DNAH17: variants seen among roughly 807,000 people sequenced by gnomAD.
DNAH17 encodes dynein axonemal heavy chain 17.
A neutral mutation model predicts 485.6 loss-of-function variants in DNAH17; 376 were observed. That is an observed-to-expected ratio of 0.77 (90% CI 0.71 to 0.84). DNAH17 has a LOEUF of 0.84. Ranked by LOEUF, DNAH17 falls within the 40% of genes least tolerant of loss-of-function variation. The pLI is 0.00. For synonymous variants in DNAH17, 3,031 were observed against 2,405.9 expected, an observed-to-expected ratio of 1.26 and a Z score of -7.60; for missense variants, 6,370 against 5,839.3, an observed-to-expected ratio of 1.09 and a Z score of -2.96.
intron 25 of DNAH17, among the ~76,000 whole-genome samples, chr17:78,521,344 T>G (rs1237177006): frequency 6.6e-6 from 1 of 151,984 alleles, no homozygotes; most frequent in Admixed American, 6.6e-5. Context: ...AGGTGGAGGT[T>G]GCAGTGAGCC....
rs775832799 is a variant in DNAH17, at chr17:78,574,757, T to C, written c.301A>G (p.Ile101Val). 6.2e-7 allele frequency: 1 copy of C among 1,613,522 alleles called. No individual in the cohort carries two copies. The highest frequency in any genetic ancestry group is 1.3e-5 in the African/African-American group (1 of 74,930). ...AGCTGGTCCACGGGTGTGGGGCTGA[T>C]GTCGCCGTAAAGGAGCCGGGCCCTG... is the stretch of plus-strand genomic sequence containing the variant. ...NYRARLLYGD[I>V]SPTPVDQLIA... The change falls in exon 2 of 81, where the codon ATC becomes GTC. Residue 101 changes from isoleucine to valine, a missense_variant. Coordinates refer to ENST00000389840, the MANE Select transcript of DNAH17 (RefSeq NM_173628.4).
chr17:78,550,681 G>A (rs781657634), intron 16 of DNAH17, among the ~76,000 whole-genome samples: 1 of 152,200 alleles, frequency 6.6e-6, no homozygotes, highest in Non-Finnish European at 1.5e-5. Context: ...ACTGTGAGAA[G>A]AGAAACGTCT....
In DNAH17 at chr17:78,530,371, G is replaced by A. The variant is rs374429842; in HGVS notation, c.3256C>T (p.Arg1086Trp). Residue 1086 changes from arginine to tryptophan, a missense_variant, in exon 21 of 81, where the codon CGG (arginine) becomes TGG (tryptophan). Transcript: ENST00000389840. Reference protein sequence around the residue: ...TIRRWGFMFKRHLSNHVTNSL... With the variant: ...TIRRWGFMFKWHLSNHVTNSL... Reference sequence around the variant, plus strand: ...TTGGTGACGTGGTTGCTCAGGTGCCGCTTGAACATGAAGCCCCAGCGCCGG... The same window carrying A: ...TTGGTGACGTGGTTGCTCAGGTGCCACTTGAACATGAAGCCCCAGCGCCGG... The A allele has an allele frequency of 5.0e-6, 8 of 1,611,762 alleles. No individual in the cohort carries two copies. The highest frequency in any genetic ancestry group is 2.7e-5 in the African/African-American group (2 of 74,896).
Position 78,445,584 on chromosome 17 carries a change from G to T in DNAH17, c.11308C>A (p.Gln3770Lys). The change falls in exon 70 of 81, where the codon CAG (glutamine) becomes AAG (lysine). Residue 3770 changes from glutamine to lysine, a missense_variant. By Grantham distance (53) the Gln-to-Lys change is moderately conservative (BLOSUM62 1). Coordinates refer to ENST00000389840, the MANE Select transcript of DNAH17 (RefSeq NM_173628.4). ...AGVVSPVDFL[Q>K]HQGWGGIKAL... Reference sequence around the variant, plus strand: ...TTGATCCCGCCCCAGCCTTGATGCTGGAGGAAGTCCACTGGTGAGACCACT... The same window carrying T: ...TTGATCCCGCCCCAGCCTTGATGCTTGAGGAAGTCCACTGGTGAGACCACT... The T allele has an allele frequency of 6.4e-7, 1 of 1,563,294 alleles. No individual in the cohort carries two copies. The highest frequency in any genetic ancestry group is 1.2e-5 in the South Asian group (1 of 84,870).
At chr17:78,552,584 G>T in intron 15 of DNAH17, 113 bp downstream of exon 15, 1 of 626,962 alleles carries the variant, frequency 1.6e-6, no homozygotes, top group Non-Finnish European at 2.9e-6. Context: ...AGTTAAAGCA[G>T]ATCCACACAG....
At chr17:78,507,426 G>A in intron 28 of DNAH17, 32 bp downstream of exon 28, 1 of 1,613,584 alleles carries the variant, frequency 6.2e-7, no homozygotes, top group Non-Finnish European at 8.5e-7. Flanking sequence ...AGTCATTTCT[G>A]AAGTGCGTGG....
At chr17:78,557,976 T>C in intron 14 of DNAH17, 132 bp downstream of exon 14, 1 of 1,148,082 alleles carries the variant, frequency 8.7e-7, no homozygotes, top group East Asian at 2.6e-5. Context: ...ATGCAGTGAA[T>C]GGAAGAATGA....
intron 65 of DNAH17, among the ~76,000 whole-genome samples, chr17:78,452,161 G>A (rs2087581873): frequency 6.6e-6 from 1 of 151,682 alleles, no homozygotes; most frequent in African/African-American, 2.4e-5. Context: ...ACTCACACCA[G>A]GCCCCTCCCA....
intron 30 of DNAH17, among the ~76,000 whole-genome samples, chr17:78,506,049 A>C (rs1261699234): frequency 2.6e-5 from 4 of 151,738 alleles, no homozygotes; most frequent in Non-Finnish European, 4.4e-5. Flanking sequence ...CAAGCCACAC[A>C]CTCAGTCTAT....
chr17:78,522,394 A>G, intron 25 of DNAH17: 1 of 285,676 alleles, frequency 3.5e-6, no homozygotes, highest in Non-Finnish European at 7.1e-6. Context: ...GGGACTTTTT[A>G]ATATGTGAGT....
chr17:78,429,079 G>A, intron 76 of DNAH17, 42 bp downstream of exon 76: 1 of 1,593,430 alleles, frequency 6.3e-7, no homozygotes, highest in South Asian at 1.1e-5. Context: ...GGAGGCACGA[G>A]CCTTCATTAC....
Position 78,445,748 on chromosome 17 carries a change from G to A in DNAH17, c.11212-68C>T, listed in dbSNP as rs60460416. The A allele has an allele frequency of 6.5e-5, 99 of 1,526,932 alleles. No homozygotes were observed. The South Asian group carries it at 1.1e-3, about 18-fold the overall frequency. The allele number at this position is 1,526,932 out of a possible 1,614,324, so 94.6% of individuals were successfully genotyped here. ...AACGTCAGCAGCCCTGAAGATGCGC[G>A]CTGGACTCGAAGAGGAGTTCACACT... is the stretch of plus-strand genomic sequence containing the variant. On this transcript the variant is annotated intron_variant, in intron 69 of 80. Transcript: ENST00000389840.
In DNAH17 at chr17:78,426,500, A is replaced by T; in HGVS notation, c.12872T>A (p.Met4291Lys). 6.2e-7 allele frequency: 1 copy of T among 1,613,206 alleles called. No homozygotes were observed. Among genetic ancestry groups the T allele is most frequent in the Non-Finnish European group, 8.5e-7 (1 of 1,179,518 alleles). Residue 4291 changes from methionine (M) to lysine (K), a missense_variant, in exon 79 of 81, where the codon ATG (methionine) becomes AAG (lysine). Met to Lys is a moderately conservative substitution (Grantham distance 95). Transcript: ENST00000389840. ...TWVARAYPSM[M>K]GLAAWYADLL... ...GTCTGCGTACCAGGCCGCCAGGCCCATCATGGAGGGGTAGGCCCGGGCCAC... is the reference window on the plus strand; with the variant it reads ...GTCTGCGTACCAGGCCGCCAGGCCCTTCATGGAGGGGTAGGCCCGGGCCAC...
At position 78,475,391 on chromosome 17, in the gene DNAH17, C is replaced by T; in HGVS notation, c.8398G>A (p.Val2800Met). 6.2e-7 allele frequency: 1 copy of T among 1,613,962 alleles called. No homozygotes were observed. The highest frequency in any genetic ancestry group is 1.3e-5 in the African/African-American group (1 of 75,054). ...TGTTTGCCACTGCCGCCCACCCCCA[C>T]CAGCAGGGCATTCCCCCGGGGAGAC... is the stretch of plus-strand genomic sequence containing the variant. ...LESPRGNALL[V>M]GVGGSGKQSL... The change falls in exon 54 of 81, where the codon GTG (valine) becomes ATG (methionine). Residue 2800 changes from valine (V) to methionine (M), a missense_variant. Coordinates refer to ENST00000389840, the MANE Select transcript of DNAH17 (RefSeq NM_173628.4).
chr17:78,524,020 T>C (rs1012615207), intron 25 of DNAH17, among the ~76,000 whole-genome samples: 2 of 152,262 alleles, frequency 1.3e-5, no homozygotes, highest in Non-Finnish European at 2.9e-5. Context: ...TCTGATGGTC[T>C]GAATATTCCC....
chr17:78,515,014 G>A lies in DNAH17; in HGVS notation c.3873C>T (p.Thr1291=). The A allele has an allele frequency of 6.2e-7, 1 of 1,613,382 alleles. No individual in the cohort carries two copies. Among genetic ancestry groups the A allele is most frequent in the Non-Finnish European group, 8.5e-7 (1 of 1,179,448 alleles). ...ELWDMVVVVN[T]SIEDWKTTKW... Reference sequence around the variant, plus strand: ...TGGTGGTCTTCCAGTCCTCGATGCTGGTATTTACCTGAAACGAAAACATCC... The same window carrying A: ...TGGTGGTCTTCCAGTCCTCGATGCTAGTATTTACCTGAAACGAAAACATCC... Residue 1291 remains threonine (T), a synonymous_variant, in exon 26 of 81, where the codon ACC becomes ACT. Coordinates refer to ENST00000389840, the MANE Select transcript of DNAH17 (RefSeq NM_173628.4).
intron 25 of DNAH17, among the ~76,000 whole-genome samples, chr17:78,515,407 G>A (rs2090754510): frequency 1.3e-5 from 2 of 152,292 alleles, no homozygotes; most frequent in African/African-American, 4.8e-5. Flanking sequence ...TACTTGGGAG[G>A]CTGAGACAGG....
chr17:78,500,601 T>C (rs1208989352), intron 35 of DNAH17, 140 bp from the exon 36 acceptor site: 3 of 757,310 alleles, frequency 4.0e-6, no homozygotes, highest in Admixed American at 3.6e-5. Flanking sequence ...CTCTGCCTCC[T>C]GGGTTCAAAT....
chr17:78,481,799 G>A lies in DNAH17; in HGVS notation c.7650-1013C>T, dbSNP rs138555644. ...GGAGGCTGAGATGGGCAGATCACTT[G>A]AGGTCAGGAGATCAAGATCAGCCTG... On this transcript the variant is annotated intron_variant, in intron 48 of 80. Coordinates refer to ENST00000389840, the MANE Select transcript of DNAH17 (RefSeq NM_173628.4). Among the ~76,000 whole-genome samples, 599 of 152,210 alleles carry A rather than the reference G, an allele frequency of 3.9e-3. 3 individuals carry two copies. The highest frequency in any genetic ancestry group is 0.014 in the African/African-American group (569 of 41,514).
Sources: allele counts gnomAD v4.1 joint callset (sites outside exome capture counted in the v4.1 genomes callset), GRCh38; gene constraint gnomAD v4.1.1; transcripts MANE v1.5; gene names NCBI Gene and HGNC (gene_info 2026-07-23, HGNC 2026-07-21).